The following GFRA1 variants were observed in gnomAD, a reference collection of about 807,000 sequenced individuals.
GFRA1 encodes the protein GDNF family receptor alpha 1, also known as GDNF family receptor alpha-1.
GFRA1 carries 16 observed loss-of-function variants against 51.6 expected under a neutral mutation model. That is an observed-to-expected ratio of 0.31 (90% confidence interval 0.21 to 0.47). GFRA1 has a LOEUF of 0.47. GFRA1 is among the 20% of genes least tolerant of loss of function. The pLI, the probability that GFRA1 is intolerant of heterozygous loss-of-function variation, is 1.00. For missense variants in GFRA1, 530 were observed against 594.3 expected (o/e 0.89, Z 1.13); for synonymous variants, 270 against 241.3 (o/e 1.12, Z -1.10).
At chr10:116,065,443 AG>A (rs1417834179) in intron 10 of GFRA1, 129 bp downstream of exon 10, 1 of 748,916 alleles carries the variant, frequency 1.3e-6, no homozygotes, top group East Asian at 2.7e-5. Context: ...ACGGTCATGG[AG>A]GGTGGCTTAG....
At chr10:116,117,783 G>C (rs368465515) in intron 6 of GFRA1, among the ~76,000 whole-genome samples, 44 of 152,128 alleles carry the variant, frequency 2.9e-4, no homozygotes, top group Middle Eastern at 6.3e-3. Flanking sequence ...AGAGAAATGG[G>C]CGGAGAAACA....
intron 4 of GFRA1, among the ~76,000 whole-genome samples, chr10:116,258,075 G>A (rs941534322): frequency 1.3e-5 from 2 of 152,130 alleles, no homozygotes; most frequent in Admixed American, 6.6e-5. Flanking sequence ...CCATAGGGCC[G>A]TATGTGAGCT....
intron 5 of GFRA1, among the ~76,000 whole-genome samples, chr10:116,211,079 T>C (rs1965157467): frequency 6.6e-6 from 1 of 152,156 alleles, no homozygotes; most frequent in African/African-American, 2.4e-5. Flanking sequence ...CCTTGCCTGG[T>C]AAAACAGATG....
At chr10:116,162,274 ACTAGAGT>A (rs1253563605) in intron 5 of GFRA1, among the ~76,000 whole-genome samples, 1 of 152,204 alleles carries the variant, frequency 6.6e-6, no homozygotes, top group Non-Finnish European at 1.5e-5. Context: ...AGAGTCAGGG[ACTAGAGT>A]CTAGGGAGAA....
chr10:116,138,080 C>A (rs10885860), intron 5 of GFRA1, among the ~76,000 whole-genome samples: 30,392 of 152,058 alleles, frequency 0.2, 3,182 homozygotes, highest in African/African-American at 0.27. Flanking sequence ...GGATTACAGG[C>A]CTGAGTCACC....
intron 4 of GFRA1, among the ~76,000 whole-genome samples, chr10:116,268,101 T>A (rs1969818372): frequency 6.6e-6 from 1 of 152,112 alleles, no homozygotes; most frequent in Non-Finnish European, 1.5e-5. Flanking sequence ...TCAAATGAGA[T>A]CCTGTATTTC....
intron 5 of GFRA1, among the ~76,000 whole-genome samples, chr10:116,174,107 T>A (rs1589844645): frequency 6.6e-6 from 1 of 150,412 alleles, no homozygotes; most frequent in Non-Finnish European, 1.5e-5. Context: ...AGTGGCTAGG[T>A]CTGCCAACCC....
intron 5 of GFRA1, among the ~76,000 whole-genome samples, chr10:116,152,682 A>G (rs1241998056): frequency 6.6e-6 from 1 of 152,204 alleles, no homozygotes; most frequent in African/African-American, 2.4e-5. Flanking sequence ...CATCCAAACC[A>G]TATCACATGC....
chr10:116,167,223 G>A (rs115715777), intron 5 of GFRA1, among the ~76,000 whole-genome samples: 10 of 152,062 alleles, frequency 6.6e-5, no homozygotes, highest in South Asian at 2.1e-4. Context: ...ATTTGCCAAC[G>A]GCTCCAAAAG....
chr10:116,173,493 G>C (rs1961247529), intron 5 of GFRA1, among the ~76,000 whole-genome samples: 1 of 152,170 alleles, frequency 6.6e-6, no homozygotes, highest in South Asian at 2.1e-4. Flanking sequence ...ACACAACATT[G>C]CCTCTGGCAT....
chr10:116,127,101 G>A (rs1241163760), intron 5 of GFRA1, among the ~76,000 whole-genome samples: 6 of 149,292 alleles, frequency 4.0e-5, no homozygotes, highest in Non-Finnish European at 3.0e-5. Flanking sequence ...AGAAGAAAAT[G>A]AAAAAAAAAA....
At chr10:116,080,783 G>A (rs1346107212) in intron 9 of GFRA1, among the ~76,000 whole-genome samples, 1 of 152,198 alleles carries the variant, frequency 6.6e-6, no homozygotes, top group Non-Finnish European at 1.5e-5. Flanking sequence ...TTGAGCCACA[G>A]TAGGTCAGCC....
rs78368117 is a variant in GFRA1 at position 116,250,996 on chromosome 10, C to G, written c.418+18507G>C. On this transcript the variant is annotated intron_variant, in intron 4 of 10. Coordinates refer to ENST00000355422, the MANE Select transcript of GFRA1 (RefSeq NM_005264.8). ...CTCAGAATGGCCAGTTCCCCCTTGT[C>G]ATTTAGGTCCCAGCTCAAAGTCACC... 1.9e-3 allele frequency among the ~76,000 whole-genome samples: 286 copies of G among 152,346 alleles called. 1 individual carries two copies. Among genetic ancestry groups the G allele is most frequent in the African/African-American group, 6.3e-3 (263 of 41,584 alleles).
chr10:116,089,638 T>A (rs934333435), intron 9 of GFRA1, 103 bp downstream of exon 9: 1 of 971,720 alleles, frequency 1.0e-6, no homozygotes, highest in East Asian at 2.4e-5. Context: ...CCGAGCAGCA[T>A]TCGTCATCTC....
At chr10:116,240,234 C>T (rs143715274) in intron 4 of GFRA1, among the ~76,000 whole-genome samples, 2 of 152,252 alleles carry the variant, frequency 1.3e-5, no homozygotes, top group Non-Finnish European at 2.9e-5. Flanking sequence ...GCACCAGCCT[C>T]CTACTCCCAT....
intron 4 of GFRA1, among the ~76,000 whole-genome samples, chr10:116,225,891 A>G (rs1966261997): frequency 6.6e-6 from 1 of 152,168 alleles, no homozygotes; most frequent in Non-Finnish European, 1.5e-5. Context: ...ACCCGACTGA[A>G]ATTAAATATT....
chr10:116,202,648 G>A lies in GFRA1; in HGVS notation c.433+8983C>T, dbSNP rs558703877. On this transcript the variant is annotated intron_variant, in intron 5 of 10. Coordinates refer to ENST00000355422, the MANE Select transcript of GFRA1 (RefSeq NM_005264.8). ...GGGGAAGCAAGCATGTCTTACCATG[G>A]TGGAGCAGGAGAGAGAGAGAGCTAA... Among the ~76,000 whole-genome samples, 5 of 152,178 alleles carry A rather than the reference G, an allele frequency of 3.3e-5. No homozygotes were observed. In the South Asian group the frequency reaches 1.0e-3, roughly 32 times the overall value.
intron 5 of GFRA1, among the ~76,000 whole-genome samples, chr10:116,153,902 G>A (rs971455429): frequency 6.6e-6 from 1 of 151,950 alleles, no homozygotes; most frequent in African/African-American, 2.4e-5. Context: ...AAAAAGACAA[G>A]CAACCCAATA....
intron 5 of GFRA1, among the ~76,000 whole-genome samples, chr10:116,180,032 T>C (rs1352504424): frequency 6.6e-6 from 1 of 152,186 alleles, no homozygotes; most frequent in Non-Finnish European, 1.5e-5. Flanking sequence ...TCTCCGGCAA[T>C]CCGCAATTTG....
Sources: allele counts gnomAD v4.1 joint callset (sites outside exome capture counted in the v4.1 genomes callset), GRCh38; gene constraint gnomAD v4.1.1; transcripts MANE v1.5; gene names NCBI Gene and HGNC (gene_info 2026-07-23, HGNC 2026-07-21).